TEAD1: variants seen among roughly 807,000 people sequenced by gnomAD.
TEAD1 encodes the protein transcriptional enhancer factor TEF-1.
In TEAD1, 9 loss-of-function variants were observed where a neutral mutation model predicts 54.9. The ratio of observed to expected loss-of-function variants is 0.16; its 90% CI spans 0.10 to 0.29. TEAD1 has a LOEUF of 0.29. Ranked by LOEUF, TEAD1 falls within the 10% of genes least tolerant of loss-of-function variation. The pLI is 1.00. For synonymous variants in TEAD1, 200 were observed against 187.8 expected, an observed-to-expected ratio of 1.07 and a Z score of -0.53; for missense variants, 387 against 535.9, an observed-to-expected ratio of 0.72 and a Z score of 2.74.
intron 3 of TEAD1, among the ~76,000 whole-genome samples, chr11:12,853,609 G>C (rs2134054677): frequency 6.6e-6 from 1 of 152,278 alleles, no homozygotes; most frequent in East Asian, 1.9e-4. Context: ...TTTTCATCTA[G>C]AAATAGTTAG....
At chr11:12,834,751 T>A (rs1276388704) in intron 3 of TEAD1, among the ~76,000 whole-genome samples, 1 of 150,254 alleles carries the variant, frequency 6.7e-6, no homozygotes, top group Non-Finnish European at 1.5e-5. Context: ...GGTTCACACC[T>A]CTGTGCCCAC....
chr11:12,852,455 T>C (rs1947295943), intron 3 of TEAD1, among the ~76,000 whole-genome samples: 1 of 151,180 alleles, frequency 6.6e-6, no homozygotes, highest in African/African-American at 2.4e-5. Context: ...TTTCCTTTTT[T>C]TTTTTTTTTC....
chr11:12,688,016 C>T (rs1013786594), intron 2 of TEAD1, among the ~76,000 whole-genome samples: 1 of 152,166 alleles, frequency 6.6e-6, no homozygotes, highest in Non-Finnish European at 1.5e-5. Flanking sequence ...TGTTGGCAGG[C>T]AGGCAGAATA....
intron 9 of TEAD1, among the ~76,000 whole-genome samples, chr11:12,884,497 A>C (rs2134102002): frequency 6.6e-6 from 1 of 152,256 alleles, no homozygotes; most frequent in Middle Eastern, 3.4e-3. Context: ...GAACAATTGG[A>C]GGTGACCTCT....
At chr11:12,750,144 C>A (rs893423214) in intron 2 of TEAD1, among the ~76,000 whole-genome samples, 2 of 152,180 alleles carry the variant, frequency 1.3e-5, no homozygotes, top group African/African-American at 4.8e-5. Flanking sequence ...TAGCTCGTGT[C>A]GGCATTAGTT....
intron 3 of TEAD1, among the ~76,000 whole-genome samples, chr11:12,858,357 T>A (rs993608116): frequency 3.3e-5 from 5 of 152,206 alleles, no homozygotes; most frequent in African/African-American, 1.2e-4. Context: ...ATTTAAAGGA[T>A]TTATGTATAT....
intron 3 of TEAD1, among the ~76,000 whole-genome samples, chr11:12,777,658 A>C (rs547194774): frequency 3.3e-5 from 5 of 152,210 alleles, no homozygotes; most frequent in African/African-American, 1.2e-4. Flanking sequence ...ATCGGATTGC[A>C]TGTTTATTCA....
chr11:12,791,754 A>G (rs1372403787), intron 3 of TEAD1, among the ~76,000 whole-genome samples: 1 of 152,180 alleles, frequency 6.6e-6, no homozygotes, highest in Non-Finnish European at 1.5e-5. Context: ...TAAGTAAGTG[A>G]TAAGGGAGTA....
At chr11:12,680,725 TA>T (rs1035350997) in intron 2 of TEAD1, among the ~76,000 whole-genome samples, 7 of 152,138 alleles carry the variant, frequency 4.6e-5, no homozygotes, top group Admixed American at 6.5e-5. Context: ...CCTACTGGGA[TA>T]GGGGGAGGAA....
chr11:12,680,566 CA>C (rs1943199126), intron 2 of TEAD1, among the ~76,000 whole-genome samples: 2 of 152,262 alleles, frequency 1.3e-5, no homozygotes, highest in African/African-American at 4.8e-5. Context: ...CGCCCTCCCC[CA>C]CTGGGCAGCT....
intron 3 of TEAD1, among the ~76,000 whole-genome samples, chr11:12,834,535 G>A (rs1442080842): frequency 2.6e-4 from 39 of 152,172 alleles, no homozygotes; most frequent in Admixed American, 2.6e-3. Flanking sequence ...AGAGATGTAT[G>A]GGAAGTGTGT....
intron 2 of TEAD1, among the ~76,000 whole-genome samples, chr11:12,714,111 G>A (rs916788599): frequency 1.3e-5 from 2 of 152,160 alleles, no homozygotes; most frequent in African/African-American, 4.8e-5. Context: ...GAGTATTTGG[G>A]TAGGCAAGAA....
At chr11:12,794,164 T>TA (rs1301754814) in intron 3 of TEAD1, among the ~76,000 whole-genome samples, 1 of 152,242 alleles carries the variant, frequency 6.6e-6, no homozygotes, top group East Asian at 1.9e-4. Flanking sequence ...ATGAGCTGTG[T>TA]AACCCTGCAC....
chr11:12,877,690 G>T (rs1453238676), intron 5 of TEAD1, among the ~76,000 whole-genome samples: 2 of 151,582 alleles, frequency 1.3e-5, no homozygotes, highest in Non-Finnish European at 2.9e-5. Context: ...TAATGGAAGT[G>T]TTAGGCTCCG....
chr11:12,814,183 T>C (rs1218851817), intron 3 of TEAD1, among the ~76,000 whole-genome samples: 2 of 152,088 alleles, frequency 1.3e-5, no homozygotes, highest in Non-Finnish European at 2.9e-5. Context: ...GTTTGCTCTC[T>C]CTGGAAGGAG....
chr11:12,785,390 G>C (rs984876230), intron 3 of TEAD1, among the ~76,000 whole-genome samples: 1 of 152,156 alleles, frequency 6.6e-6, no homozygotes, highest in Non-Finnish European at 1.5e-5. Flanking sequence ...CTTTCCTCCT[G>C]TCCCACAGGT....
chr11:12,743,688 G>T (rs144706226), intron 2 of TEAD1, among the ~76,000 whole-genome samples: 200 of 152,298 alleles, frequency 1.3e-3, no homozygotes, highest in African/African-American at 4.4e-3. Context: ...TGAAGTGATG[G>T]CAATTGAGAT....
intron 2 of TEAD1, among the ~76,000 whole-genome samples, chr11:12,761,741 C>A (rs1945106770): frequency 2.0e-5 from 3 of 152,034 alleles, no homozygotes; most frequent in Admixed American, 2.0e-4. Context: ...GATTTGCTCC[C>A]CTGAAGGATG....
At chr11:12,848,125 G>A (rs922613884) in intron 3 of TEAD1, among the ~76,000 whole-genome samples, 10 of 152,102 alleles carry the variant, frequency 6.6e-5, no homozygotes, top group African/African-American at 1.7e-4. Context: ...TAATCGTTCC[G>A]TCTTTGATTA....
Sources: gnomAD v4.1 joint callset for allele counts (sites outside exome capture counted in the v4.1 genomes callset) on GRCh38, gnomAD v4.1.1 for gene constraint, MANE v1.5 for transcripts, NCBI Gene and HGNC (gene_info 2026-07-23, HGNC 2026-07-21) for gene names.